SATB2: variants seen among roughly 807,000 people sequenced by gnomAD.
The protein encoded by SATB2 is DNA-binding protein SATB2.
Under a neutral mutation model 73.4 loss-of-function variants are expected in SATB2, and 1 was observed. The observed-to-expected ratio is 0.01, with a 90% CI of 0.00 to 0.06. The LOEUF (loss-of-function observed/expected upper bound fraction) is 0.06, where lower values mean the gene tolerates loss of function less well. Among genes scored for constraint, SATB2 ranks in the 10% least tolerant of loss-of-function variants. The pLI is 1.00. For synonymous variants in SATB2, 397 were observed against 367.0 expected (o/e 1.08, Z -0.93); for missense variants, 459 against 945.8 (o/e 0.49, Z 6.75).
At chr2:199,329,262 G>A in intron 7 of SATB2, 1 of 293,298 alleles carries the variant, frequency 3.4e-6, no homozygotes, top group Admixed American at 4.3e-5. Context: ...CTCTCTGCTT[G>A]AAACTGGGAA....
chr2:199,411,667 C>CA (rs1472197651), intron 3 of SATB2, among the ~76,000 whole-genome samples: 4 of 152,200 alleles, frequency 2.6e-5, no homozygotes, highest in African/African-American at 7.2e-5. Flanking sequence ...CTAGTGCTTT[C>CA]ACCACTATAA....
rs779110024 is a variant in SATB2, at chr2:199,380,342, A to T, written c.597+22T>A. 3 of 1,613,602 alleles carry T rather than the reference A, an allele frequency of 1.9e-6. No homozygotes were observed. The South Asian group carries it at 3.3e-5, about 18-fold the overall frequency. On this transcript the variant is annotated intron_variant, in intron 5 of 10. Coordinates refer to ENST00000417098, the MANE Select transcript of SATB2 (RefSeq NM_001172509.2). Reference sequence around the variant, plus strand: ...ACCAATGGCTTCTTCTGTTTCCCAGACCCCCACCTGAAGATACTGACCTGG... The same window carrying T: ...ACCAATGGCTTCTTCTGTTTCCCAGTCCCCCACCTGAAGATACTGACCTGG...
chr2:199,323,588 T>C (rs1344999341), intron 9 of SATB2, among the ~76,000 whole-genome samples: 2 of 152,026 alleles, frequency 1.3e-5, no homozygotes, highest in Admixed American at 1.3e-4. Flanking sequence ...TAATTTTTTT[T>C]AATCTTTAAA....
chr2:199,270,728 A>G lies in SATB2; in HGVS notation c.*1483T>C, dbSNP rs1692129138. ...TTAATGCTCATCCCATTAAACATCC[A>G]GTCAGCATTAGTTCTGCTTTACATA... On this transcript the variant is annotated 3_prime_UTR_variant, in exon 11 of 11. Transcript: ENST00000417098. 6.6e-6 allele frequency: 1 copy of G among 152,394 alleles called. No homozygotes were observed. Among genetic ancestry groups the G allele is most frequent in the Admixed American group, 6.5e-5 (1 of 15,284 alleles). 9.4% of individuals were successfully genotyped at this position (152,394 alleles called of 1,614,324 possible).
intron 10 of SATB2, among the ~76,000 whole-genome samples, chr2:199,276,705 C>A (rs1167772746): frequency 1.3e-5 from 2 of 152,090 alleles, no homozygotes; most frequent in East Asian, 1.9e-4. Flanking sequence ...ATCTTTCCAA[C>A]AATTTATGAA....
At chr2:199,338,261 G>C (rs186475605) in intron 7 of SATB2, among the ~76,000 whole-genome samples, 1 of 151,992 alleles carries the variant, frequency 6.6e-6, no homozygotes, top group African/African-American at 2.4e-5. Flanking sequence ...CCAGCTACTC[G>C]GGAGGCTGAG....
At chr2:199,392,576 G>A (rs750499497) in intron 3 of SATB2, among the ~76,000 whole-genome samples, 4 of 152,060 alleles carry the variant, frequency 2.6e-5, no homozygotes, top group Non-Finnish European at 5.9e-5. Flanking sequence ...AATACAGTGG[G>A]TGTGTGTATG....
chr2:199,368,047 G>A (rs180793027), intron 6 of SATB2, among the ~76,000 whole-genome samples: 49 of 152,146 alleles, frequency 3.2e-4, no homozygotes, highest in Non-Finnish European at 5.4e-4. Context: ...CATCTACCCA[G>A]TGACCTAAGT....
intron 5 of SATB2, among the ~76,000 whole-genome samples, chr2:199,376,786 G>A (rs780217432): frequency 6.6e-6 from 1 of 152,138 alleles, no homozygotes; most frequent in Non-Finnish European, 1.5e-5. Context: ...AAGAGCAGAA[G>A]TAGCAACTAC....
chr2:199,433,253 T>C, intron 3 of SATB2, 85 bp downstream of exon 3: 1 of 1,350,366 alleles, frequency 7.4e-7, no homozygotes, highest in South Asian at 1.4e-5. Context: ...TCAACCTTTG[T>C]TTGGAGAACT....
chr2:199,316,391 C>A (rs565134756), intron 9 of SATB2, among the ~76,000 whole-genome samples: 2 of 152,224 alleles, frequency 1.3e-5, no homozygotes. Flanking sequence ...AGGAGATTAT[C>A]TAAACCTGAA....
chr2:199,300,237 A>G (rs1386373155), intron 10 of SATB2, among the ~76,000 whole-genome samples: 2 of 151,936 alleles, frequency 1.3e-5, no homozygotes, highest in Admixed American at 6.6e-5. Flanking sequence ...GAAGGGGATA[A>G]ATAGCAACAT....
intron 2 of SATB2, among the ~76,000 whole-genome samples, chr2:199,442,490 A>C (rs1691848214): frequency 6.6e-6 from 1 of 152,254 alleles, no homozygotes; most frequent in Non-Finnish European, 1.5e-5. Context: ...CATGTCCTGC[A>C]CTGAAAGACT....
intron 2 of SATB2, among the ~76,000 whole-genome samples, chr2:199,441,325 AAACC>A (rs1321439820): frequency 1.3e-5 from 2 of 152,206 alleles, no homozygotes; most frequent in Non-Finnish European, 2.9e-5. Context: ...AGTTAAGAAA[AAACC>A]AACTAGAAAA....
intron 10 of SATB2, among the ~76,000 whole-genome samples, chr2:199,302,781 C>T (rs1687323417): frequency 6.6e-6 from 1 of 152,198 alleles, no homozygotes; most frequent in Non-Finnish European, 1.5e-5. Context: ...AATCAAGATA[C>T]AGTCTGTGCA....
chr2:199,272,032 C>G lies in SATB2; in HGVS notation c.*179G>C. ...GAACTTATTCAGTCTATAGGTGTAT[C>G]CTGTGCAACAAAGAAATGTCCAAAA... is the stretch of plus-strand genomic sequence containing the variant. On this transcript the variant is annotated 3_prime_UTR_variant, in exon 11 of 11. Coordinates refer to ENST00000417098, the MANE Select transcript of SATB2 (RefSeq NM_001172509.2). The surrounding 1 kb of genome is among the most constrained non-coding windows in gnomAD (Gnocchi z 6.7). 1 of 667,874 alleles carries G rather than the reference C, an allele frequency of 1.5e-6. No individual in the cohort carries two copies. Among genetic ancestry groups the G allele is most frequent in the Middle Eastern group, 4.0e-4 (1 of 2,470 alleles). The allele number at this position is 667,874 out of a possible 1,614,324, so 41.4% of individuals were successfully genotyped here. A position where few individuals can be genotyped will look rare whatever the true frequency, so the allele number is the denominator to read the frequency against.
At chr2:199,320,979 A>T (rs1051942213) in intron 9 of SATB2, among the ~76,000 whole-genome samples, 3 of 152,246 alleles carry the variant, frequency 2.0e-5, no homozygotes, top group East Asian at 3.9e-4. Flanking sequence ...AGTTCACAAG[A>T]CTACTTAATT....
upstream of SATB2, among the ~76,000 whole-genome samples, chr2:199,460,240 C>T (rs961526167): frequency 6.6e-6 from 1 of 152,060 alleles, no homozygotes; most frequent in African/African-American, 2.4e-5. The surrounding 1 kb of genome is among the most constrained non-coding windows in gnomAD (Gnocchi z 4.0). Context: ...TAAATCAACC[C>T]GTGGTGGTAG....
chr2:199,455,787 G>C lies in SATB2; in HGVS notation c.169+82C>G. The C allele has an allele frequency of 1.4e-6, 2 of 1,452,816 alleles. No individual in the cohort carries two copies. Among genetic ancestry groups the C allele is most frequent in the Non-Finnish European group, 1.9e-6 (2 of 1,073,084 alleles). 90.0% of individuals were successfully genotyped at this position (1,452,816 alleles called of 1,614,324 possible). A position where few individuals can be genotyped will look rare whatever the true frequency, so the allele number is the denominator to read the frequency against. The stretch of plus-strand genomic sequence containing the variant: ...CTTCCTGTAATCCTACACCGCGACA[G>C]CGCCTAATCAACCTGAACCCTGACA... On this transcript the variant is annotated intron_variant, in intron 2 of 10. Coordinates refer to ENST00000417098, the MANE Select transcript of SATB2 (RefSeq NM_001172509.2). The surrounding 1 kb of genome is among the most constrained non-coding windows in gnomAD (Gnocchi z 4.1).
Sources: gnomAD v4.1 joint callset for allele counts (sites outside exome capture counted in the v4.1 genomes callset) on GRCh38, gnomAD v4.1.1 for gene constraint, Gnocchi (gnomAD v3.1) non-coding constraint, MANE v1.5 for transcripts, NCBI Gene and HGNC (gene_info 2026-07-23, HGNC 2026-07-21) for gene names.